Variants in RBM26 observed in about 807,000 individuals in gnomAD.
The protein encoded by RBM26 is RNA-binding protein 26.
RBM26 carries 30 observed loss-of-function variants against 123.6 expected under a neutral mutation model. That is an observed-to-expected ratio of 0.24 (90% confidence interval 0.18 to 0.33). The LOEUF is 0.33. RBM26 is among the 10% of genes least tolerant of loss of function. The pLI is 1.00. For missense variants in RBM26, 947 were observed against 1,203.6 expected, an observed-to-expected ratio of 0.79 and a Z score of 3.15; for synonymous variants, 400 against 404.4, an observed-to-expected ratio of 0.99 and a Z score of 0.13.
Position 79,371,953 on chromosome 13 carries a change from G to A in RBM26, c.328-23C>T, listed in dbSNP as rs764092274. The A allele has an allele frequency of 3.5e-6, 5 of 1,419,996 alleles. No homozygotes were observed. In the South Asian group the frequency reaches 5.8e-5, roughly 17 times the overall value. The allele number at this position is 1,419,996 out of a possible 1,614,324, so 88.0% of individuals were successfully genotyped here. A position where few individuals can be genotyped will look rare whatever the true frequency, so the allele number is the denominator to read the frequency against. On this transcript the variant is annotated intron_variant, in intron 3 of 21. Transcript: ENST00000438737. ...GATCTGATTAAAAAAAAAAAAAAAAGTGTACAAGTTTAGTAATTATTCCAC... is the reference window on the plus strand; with the variant it reads ...GATCTGATTAAAAAAAAAAAAAAAAATGTACAAGTTTAGTAATTATTCCAC...
intron 17 of RBM26, among the ~76,000 whole-genome samples, 165 bp from the exon 18 acceptor site, chr13:79,341,392 G>C (rs923822011): frequency 6.6e-6 from 1 of 151,702 alleles, no homozygotes; most frequent in Non-Finnish European, 1.5e-5. Flanking sequence ...CACAATAACT[G>C]CAACAGCTTC....
In RBM26 at chr13:79,378,781, G is replaced by A; in HGVS notation, c.190+8C>T. 1 of 1,511,708 alleles carries A rather than the reference G, an allele frequency of 6.6e-7. No homozygotes were observed. Among genetic ancestry groups the A allele is most frequent in the Non-Finnish European group, 9.1e-7 (1 of 1,093,508 alleles). 93.6% of individuals were successfully genotyped at this position (1,511,708 alleles called of 1,614,324 possible). A position where few individuals can be genotyped will look rare whatever the true frequency, so the allele number is the denominator to read the frequency against. ...AATATAGTAGTATTTTTAAACCAAA[G>A]ATCTTACCTTTCTGAAGAAATACAT... On this transcript the variant is annotated splice_region_variant and intron_variant, in intron 2 of 21. Transcript: ENST00000438737.
intron 2 of RBM26, among the ~76,000 whole-genome samples, chr13:79,378,477 T>C (rs572556301): frequency 6.6e-6 from 1 of 152,344 alleles, no homozygotes; most frequent in African/African-American, 2.4e-5. Flanking sequence ...TCTCACTTTG[T>C]CGCCCAGGCT....
At chr13:79,333,834 T>C (rs551843078) in intron 20 of RBM26, among the ~76,000 whole-genome samples, 34 of 152,270 alleles carry the variant, frequency 2.2e-4, no homozygotes, top group African/African-American at 7.9e-4. Context: ...GTATAGACCA[T>C]GTCTTAGGCA....
intron 3 of RBM26, among the ~76,000 whole-genome samples, chr13:79,373,575 ATATT>A (rs1390705618): frequency 1.8e-5 from 2 of 111,374 alleles, no homozygotes; most frequent in Non-Finnish European, 3.4e-5. Flanking sequence ...TTTATATAAT[ATATT>A]TATATATTAC....
At chr13:79,348,666 A>G (rs930901689) in intron 14 of RBM26, among the ~76,000 whole-genome samples, 1 of 152,158 alleles carries the variant, frequency 6.6e-6, no homozygotes, top group African/African-American at 2.4e-5. Context: ...AAACGTATTA[A>G]TACAGTTACT....
chr13:79,380,374 T>A (rs1045287515), intron 1 of RBM26, among the ~76,000 whole-genome samples: 1 of 152,034 alleles, frequency 6.6e-6, no homozygotes, highest in African/African-American at 2.4e-5. Flanking sequence ...GCCATTTGTG[T>A]TGGGGGAGAA....
chr13:79,392,917 C>T (rs1383063250), intron 1 of RBM26, among the ~76,000 whole-genome samples: 1 of 152,096 alleles, frequency 6.6e-6, no homozygotes, highest in Non-Finnish European at 1.5e-5. Flanking sequence ...AAATCTGACT[C>T]CATAGATGGA....
At chr13:79,347,706 C>A (rs1488453541) in intron 14 of RBM26, among the ~76,000 whole-genome samples, 1 of 152,132 alleles carries the variant, frequency 6.6e-6, no homozygotes, top group East Asian at 1.9e-4. Flanking sequence ...TCTATATCTA[C>A]AACCATGTCA....
At chr13:79,314,037 T>C (rs1055375103), downstream of RBM26, 1 of 151,776 alleles carries the variant, frequency 6.6e-6, no homozygotes, top group Non-Finnish European at 1.5e-5. Context: ...ACTCAGAAAC[T>C]AAGTGCAAAC....
intron 20 of RBM26, among the ~76,000 whole-genome samples, chr13:79,327,756 G>A (rs529061752): frequency 2.0e-5 from 3 of 152,156 alleles, no homozygotes; most frequent in African/African-American, 7.2e-5. Context: ...AATGTATGTT[G>A]TCTATATAAA....
chr13:79,358,152 G>C, intron 11 of RBM26, 122 bp downstream of exon 11: 1 of 836,322 alleles, frequency 1.2e-6, no homozygotes, highest in Non-Finnish European at 1.7e-6. Context: ...CAAAGTGCTG[G>C]GATTACAGGC....
At chr13:79,346,716 C>G (rs924271953) in intron 14 of RBM26, among the ~76,000 whole-genome samples, 1 of 152,170 alleles carries the variant, frequency 6.6e-6, no homozygotes, top group Non-Finnish European at 1.5e-5. Flanking sequence ...CTTCAGTGAC[C>G]TTTCTTTGTA....
At position 79,405,848 on chromosome 13, in the gene RBM26, G is replaced by A. The variant is rs562689121; in HGVS notation, c.-74C>T. 5.0e-5 allele frequency: 46 copies of A among 912,876 alleles called. No individual in the cohort carries two copies. In the South Asian group the frequency reaches 1.5e-3, roughly 30 times the overall value. 56.5% of individuals were successfully genotyped at this position (912,876 alleles called of 1,614,324 possible). ...GGCCGCTACAGCCGCCGCTGCCCCC[G>A]CCCCCTCCTCCGCGCGCCGCCCGCG... On this transcript the variant is annotated 5_prime_UTR_variant, in exon 1 of 22. Coordinates refer to ENST00000438737, the MANE Select transcript of RBM26 (RefSeq NM_001366735.2).
intron 14 of RBM26, among the ~76,000 whole-genome samples, chr13:79,345,923 T>A (rs929423199): frequency 6.6e-6 from 1 of 152,164 alleles, no homozygotes; most frequent in Non-Finnish European, 1.5e-5. Flanking sequence ...GGGTGACTGG[T>A]TACTGGTTCT....
intron 20 of RBM26, among the ~76,000 whole-genome samples, chr13:79,329,047 T>C (rs1289394841): frequency 6.6e-6 from 1 of 151,810 alleles, no homozygotes; most frequent in Non-Finnish European, 1.5e-5. Context: ...ATAACCTTTA[T>C]GGTGGGCAAT....
chr13:79,325,121 A>T (rs1430303676), intron 20 of RBM26, among the ~76,000 whole-genome samples: 1 of 152,158 alleles, frequency 6.6e-6, no homozygotes, highest in Admixed American at 6.6e-5. Context: ...CTGCCAGTCC[A>T]GTCATATAAA....
At position 79,319,200 on chromosome 13, in the gene RBM26, G is replaced by A. The variant is rs1339267233; in HGVS notation, c.*1421C>T. 1.0e-6 allele frequency: 1 copy of A among 984,424 alleles called. No homozygotes were observed. Among genetic ancestry groups the A allele is most frequent in the Non-Finnish European group, 1.2e-6 (1 of 829,364 alleles). The allele number at this position is 984,424 out of a possible 1,614,324, so 61.0% of individuals were successfully genotyped here. The stretch of plus-strand genomic sequence containing the variant: ...GTTACTCCACTGGCAGAAGACTATG[G>A]TGGTGGTGGAACAACAGCTTTTGAT... On this transcript the variant is annotated 3_prime_UTR_variant, in exon 22 of 22. Coordinates refer to ENST00000438737, the MANE Select transcript of RBM26 (RefSeq NM_001366735.2).
At chr13:79,354,304 T>A (rs2073693564) in intron 13 of RBM26, 135 bp downstream of exon 13, 1 of 643,922 alleles carries the variant, frequency 1.6e-6, no homozygotes, top group Non-Finnish European at 2.3e-6. Flanking sequence ...AACAACCTTA[T>A]AGGTGGGGTT....
Sources: allele counts gnomAD v4.1 joint callset (sites outside exome capture counted in the v4.1 genomes callset), GRCh38; gene constraint gnomAD v4.1.1; transcripts MANE v1.5; gene names NCBI Gene and HGNC (gene_info 2026-07-23, HGNC 2026-07-21).